Variants in CELF2 observed in about 807,000 individuals in gnomAD.
CELF2 encodes the protein CUGBP Elav-like family member 2.
CELF2 carries 8 observed loss-of-function variants against 62.6 expected under a neutral mutation model. The ratio of observed to expected loss-of-function variants is 0.13; its 90% confidence interval spans 0.07 to 0.23. CELF2 has a LOEUF of 0.23. Among genes scored for constraint, CELF2 ranks in the 10% least tolerant of loss-of-function variants. The pLI is 1.00. For missense variants in CELF2, 333 were observed against 671.0 expected, an observed-to-expected ratio of 0.50 and a Z score of 5.56; for synonymous variants, 258 against 250.0, an observed-to-expected ratio of 1.03 and a Z score of -0.30.
chr10:11,096,278 T>G (rs1313961215), intron 1 of CELF2: 1 of 152,274 alleles, frequency 6.6e-6, no homozygotes. Flanking sequence ...TCCCTCCTGC[T>G]AATTACTTCT....
At chr10:10,757,998 A>G in the CELF2 span, among the ~76,000 whole-genome samples, 1 of 152,224 alleles carries the variant, frequency 6.6e-6, no homozygotes. Context: ...CTCTGTCTAC[A>G]GGTATCACAA....
At chr10:10,941,397 G>A (rs1430188834) in intron 2 of CELF2, among the ~76,000 whole-genome samples, 2 of 152,102 alleles carry the variant, frequency 1.3e-5, no homozygotes, top group African/African-American at 4.8e-5. Flanking sequence ...GTTTCTTCTC[G>A]CAGGACTCCC....
intron 2 of CELF2, among the ~76,000 whole-genome samples, chr10:10,933,519 T>C (rs1205130897): frequency 2.6e-5 from 4 of 152,256 alleles, no homozygotes; most frequent in Admixed American, 2.6e-4. Context: ...GTCACCCTAT[T>C]ATGCAATAGA....
the CELF2 span, among the ~76,000 whole-genome samples, chr10:10,712,876 C>T: frequency 1.3e-5 from 2 of 152,190 alleles, no homozygotes; most frequent in African/African-American, 4.8e-5. Flanking sequence ...TGGATGAATC[C>T]AATCATCTCC....
intron 2 of CELF2, among the ~76,000 whole-genome samples, chr10:11,189,025 G>A (rs1175611800): frequency 5.9e-5 from 9 of 152,062 alleles, no homozygotes; most frequent in African/African-American, 1.9e-4. Flanking sequence ...CAAATACAGC[G>A]ATAAATAACT....
chr10:10,930,923 A>G (rs1336563356), intron 2 of CELF2, among the ~76,000 whole-genome samples: 1 of 152,192 alleles, frequency 6.6e-6, no homozygotes, highest in Non-Finnish European at 1.5e-5. Context: ...TTGCTGTCCA[A>G]TGAGCTTTGA....
intron 1 of CELF2, among the ~76,000 whole-genome samples, chr10:10,916,336 G>A (rs1281169702): frequency 2.0e-5 from 3 of 152,180 alleles, no homozygotes; most frequent in African/African-American, 7.2e-5. Flanking sequence ...AAAATTTGGA[G>A]CTACATGCAC....
At chr10:10,539,371 T>G in the CELF2 span, among the ~76,000 whole-genome samples, 3 of 152,356 alleles carry the variant, frequency 2.0e-5, no homozygotes, top group Admixed American at 2.0e-4. Context: ...CTGAGACTTT[T>G]GGGGATTGGC....
the CELF2 span, among the ~76,000 whole-genome samples, chr10:10,466,932 A>G: frequency 6.6e-6 from 1 of 151,962 alleles, no homozygotes; most frequent in Non-Finnish European, 1.5e-5. Flanking sequence ...TTTCTCCTGG[A>G]TAGACATCTC....
intron 2 of CELF2, among the ~76,000 whole-genome samples, chr10:10,933,352 G>A (rs2066289966): frequency 6.6e-6 from 1 of 152,112 alleles, no homozygotes; most frequent in South Asian, 2.1e-4. Context: ...GGTACAGTAT[G>A]ATATTTCTAT....
intron 2 of CELF2, among the ~76,000 whole-genome samples, chr10:11,206,495 G>A (rs556700919): frequency 2.6e-5 from 4 of 152,240 alleles, no homozygotes; most frequent in South Asian, 4.2e-4. Context: ...TACACCTACC[G>A]CGTTTAACCC....
At chr10:11,205,809 G>T (rs913248757) in intron 2 of CELF2, among the ~76,000 whole-genome samples, 7 of 152,196 alleles carry the variant, frequency 4.6e-5, no homozygotes, top group African/African-American at 1.7e-4. Flanking sequence ...ATGCGACTCA[G>T]CTATTGCCGG....
rs1020361671 is a variant in CELF2, at chr10:11,267,756, G to A, written c.618+1079G>A. 5.9e-5 allele frequency among the ~76,000 whole-genome samples: 9 copies of A among 152,104 alleles called. No homozygotes were observed. Among genetic ancestry groups the A allele is most frequent in the East Asian group, 1.9e-4 (1 of 5,182 alleles). ...GCTGGGAGCTAAGTGATCATTATGC[G>A]TCATGTTTTGTGGGCAACTTTTTTT... is the stretch of plus-strand genomic sequence containing the variant. On this transcript the variant is annotated intron_variant, in intron 6 of 12. Transcript: ENST00000633077. The surrounding 1 kb of genome is among the most constrained non-coding windows in gnomAD (Gnocchi z 4.4).
the CELF2 span, among the ~76,000 whole-genome samples, chr10:10,637,059 G>A: frequency 6.6e-6 from 1 of 152,112 alleles, no homozygotes; most frequent in African/African-American, 2.4e-5. Flanking sequence ...TGAATTCAGA[G>A]AAATCTCATG....
the CELF2 span, among the ~76,000 whole-genome samples, chr10:10,691,208 C>T: frequency 6.6e-6 from 1 of 151,626 alleles, no homozygotes; most frequent in African/African-American, 2.4e-5. Flanking sequence ...TTCCTGTGTC[C>T]ATGTGATCTC....
chr10:11,252,054 C>T lies in CELF2; in HGVS notation c.403+2853C>T, dbSNP rs116726688. Among the ~76,000 whole-genome samples the T allele has an allele frequency of 9.2e-3, 1,402 of 152,276 alleles. 13 individuals are homozygous for T. Among genetic ancestry groups the T allele is most frequent in the African/African-American group, 0.032 (1,330 of 41,550 alleles). ...AGAAAAGTCCAAAAATATAAATGAGCGGAAGGCTGCTTTTAAATGGCTTTT... is the reference window on the plus strand; with the variant it reads ...AGAAAAGTCCAAAAATATAAATGAGTGGAAGGCTGCTTTTAAATGGCTTTT... On this transcript the variant is annotated intron_variant, in intron 4 of 12. Coordinates refer to ENST00000633077, the MANE Select transcript of CELF2 (RefSeq NM_001326342.2).
the CELF2 span, among the ~76,000 whole-genome samples, chr10:10,555,609 A>C: frequency 1.3e-5 from 2 of 152,206 alleles, no homozygotes; most frequent in Non-Finnish European, 2.9e-5. Context: ...TGAATGACCT[A>C]GGTTGTGGCT....
Position 10,985,698 on chromosome 10 carries a change from T to C in CELF2, c.89+65699T>C, listed in dbSNP as rs913703858. ...GATTGGCCTTGCCGTGGTCATAATA[T>C]AAAAAGTAGAGTTAAAGCTTTCCAC... is the stretch of plus-strand genomic sequence containing the variant. On this transcript the variant is annotated intron_variant, in intron 2 of 13. Transcript: ENST00000636488. 4.6e-5 allele frequency among the ~76,000 whole-genome samples: 7 copies of C among 152,360 alleles called. No individual in the cohort carries two copies. In the East Asian group the frequency reaches 5.8e-4, roughly 13 times the overall value.
At chr10:10,673,271 T>G in the CELF2 span, among the ~76,000 whole-genome samples, 1 of 152,190 alleles carries the variant, frequency 6.6e-6, no homozygotes, top group Admixed American at 6.5e-5. Context: ...GTATGTATTG[T>G]CTTTTCTTTT....
Sources: gnomAD v4.1 joint callset for allele counts (sites outside exome capture counted in the v4.1 genomes callset) on GRCh38, gnomAD v4.1.1 for gene constraint, Gnocchi (gnomAD v3.1) non-coding constraint, MANE v1.5 for transcripts, NCBI Gene and HGNC (gene_info 2026-07-23, HGNC 2026-07-21) for gene names.